SUCLG2: variants seen among roughly 807,000 people sequenced by gnomAD.
The protein encoded by SUCLG2 is succinate-CoA ligase GDP-forming subunit beta, also known as succinate--CoA ligase [GDP-forming] subunit beta, mitochondrial.
In SUCLG2, 42 loss-of-function variants were observed where a neutral mutation model predicts 47.9. The ratio of observed to expected loss-of-function variants is 0.88; its 90% CI spans 0.69 to 1.14. The LOEUF (loss-of-function observed/expected upper bound fraction) is 1.14. Among genes scored for constraint, SUCLG2 ranks in the 50% most tolerant of loss-of-function variants. The probability of loss-of-function intolerance (pLI) is 0.00; values close to 1 mark genes in which losing one functional copy is unlikely to be tolerated. For synonymous variants in SUCLG2, 195 were observed against 197.3 expected (o/e 0.99, Z 0.10); for missense variants, 571 against 525.9 (o/e 1.09, Z -0.84).
chr3:67,580,502 A>G (rs959851458), intron 2 of SUCLG2, among the ~76,000 whole-genome samples: 4 of 152,226 alleles, frequency 2.6e-5, no homozygotes, highest in African/African-American at 9.6e-5. Flanking sequence ...ACATCTTCAA[A>G]GTGGCTACCT....
At chr3:67,621,509 T>C (rs751880324) in intron 1 of SUCLG2, among the ~76,000 whole-genome samples, 2 of 152,216 alleles carry the variant, frequency 1.3e-5, no homozygotes, top group Non-Finnish European at 2.9e-5. Flanking sequence ...AAAAGTCATA[T>C]GGCACTTAAT....
chr3:67,393,238 G>T (rs1702435994), intron 10 of SUCLG2, among the ~76,000 whole-genome samples: 1 of 152,262 alleles, frequency 6.6e-6, no homozygotes, highest in Non-Finnish European at 1.5e-5. Flanking sequence ...CTCGGGAAGT[G>T]CAAGGGGTCA....
chr3:67,421,792 T>C (rs933090499), intron 9 of SUCLG2, among the ~76,000 whole-genome samples: 9 of 152,152 alleles, frequency 5.9e-5, no homozygotes, highest in African/African-American at 1.9e-4. Flanking sequence ...AAGACAAAAA[T>C]TGCAAATTGG....
chr3:67,468,014 T>C (rs1704515790), intron 9 of SUCLG2, among the ~76,000 whole-genome samples: 1 of 152,064 alleles, frequency 6.6e-6, no homozygotes, highest in Non-Finnish European at 1.5e-5. Flanking sequence ...GATGCCCAAA[T>C]GAGTGCTACA....
rs141559351 is a variant in SUCLG2 at position 67,421,476 on chromosome 3, C to T, written c.1063-20625G>A. The stretch of plus-strand genomic sequence containing the variant: ...GCTCTGCCCTGCTTTAGGTACAGGA[C>T]CTTGGACACATCTCTTCATCTCTCA... On this transcript the variant is annotated intron_variant, in intron 9 of 10. Coordinates refer to ENST00000307227, the MANE Select transcript of SUCLG2 (RefSeq NM_003848.4). Among the ~76,000 whole-genome samples the T allele has an allele frequency of 2.0e-4, 30 of 152,246 alleles. No homozygotes were observed. In the East Asian group the frequency reaches 5.2e-3, roughly 26 times the overall value.
At chr3:67,537,772 G>A (rs181328462) in intron 2 of SUCLG2, among the ~76,000 whole-genome samples, 28 of 152,282 alleles carry the variant, frequency 1.8e-4, no homozygotes, top group Admixed American at 3.9e-4. Context: ...TCTAACTGGC[G>A]TGAGATGATA....
chr3:67,616,054 A>G (rs1700622438), intron 1 of SUCLG2, among the ~76,000 whole-genome samples: 1 of 151,846 alleles, frequency 6.6e-6, no homozygotes, highest in Non-Finnish European at 1.5e-5. Flanking sequence ...GTATGCCAAA[A>G]CTTTTAAGAG....
At chr3:67,496,503 T>C (rs1705343910) in intron 8 of SUCLG2, among the ~76,000 whole-genome samples, 1 of 152,204 alleles carries the variant, frequency 6.6e-6, no homozygotes, top group Admixed American at 6.5e-5. Context: ...AGTACAGTCA[T>C]ACATGTTTAC....
At chr3:67,517,212 G>T (rs1203733825) in intron 6 of SUCLG2, among the ~76,000 whole-genome samples, 1 of 152,072 alleles carries the variant, frequency 6.6e-6, no homozygotes, top group African/African-American at 2.4e-5. Flanking sequence ...CTTCATTTAA[G>T]CATATATATT....
intron 9 of SUCLG2, among the ~76,000 whole-genome samples, chr3:67,429,024 T>C (rs1703387271): frequency 6.6e-6 from 1 of 152,144 alleles, no homozygotes; most frequent in African/African-American, 2.4e-5. Flanking sequence ...TGGAAAACAC[T>C]CTTCAGGACA....
At chr3:67,549,015 C>T (rs1706939551) in intron 2 of SUCLG2, among the ~76,000 whole-genome samples, 1 of 152,076 alleles carries the variant, frequency 6.6e-6, no homozygotes, top group African/African-American at 2.4e-5. Context: ...AAGCCATGAA[C>T]ATAGTAACTC....
At chr3:67,374,226 G>A (rs1013880521), downstream of SUCLG2, among the ~76,000 whole-genome samples, 1 of 152,152 alleles carries the variant, frequency 6.6e-6, no homozygotes, top group East Asian at 1.9e-4. Context: ...AAGGATGTAA[G>A]ACTGATCTAT....
chr3:67,603,348 T>C (rs1055234070), intron 2 of SUCLG2, among the ~76,000 whole-genome samples: 1 of 152,220 alleles, frequency 6.6e-6, no homozygotes, highest in Non-Finnish European at 1.5e-5. Context: ...TACATATCAA[T>C]CAGTAGTCAA....
intron 2 of SUCLG2, among the ~76,000 whole-genome samples, chr3:67,583,453 C>A (rs1707932665): frequency 6.6e-6 from 1 of 152,204 alleles, no homozygotes; most frequent in Non-Finnish European, 1.5e-5. Context: ...ACCATAAGAT[C>A]TAGCAATTTC....
At chr3:67,379,352 T>C (rs776133303) in intron 10 of SUCLG2, among the ~76,000 whole-genome samples, 7 of 152,164 alleles carry the variant, frequency 4.6e-5, no homozygotes, top group Non-Finnish European at 7.4e-5. Context: ...GACCTCCAGA[T>C]AGGTGCAGGA....
At chr3:67,466,095 G>A (rs772982302) in intron 9 of SUCLG2, among the ~76,000 whole-genome samples, 3 of 152,116 alleles carry the variant, frequency 2.0e-5, no homozygotes, top group Non-Finnish European at 4.4e-5. Flanking sequence ...GCTCACTCCT[G>A]TAATCTCAGC....
At chr3:67,400,925 T>C (rs1022709616) in intron 9 of SUCLG2, 74 bp from the exon 10 acceptor site, 6 of 1,587,430 alleles carry the variant, frequency 3.8e-6, no homozygotes, top group Admixed American at 3.7e-5. Flanking sequence ...GGTTAAATAA[T>C]AGAGACAATT....
intron 9 of SUCLG2, among the ~76,000 whole-genome samples, chr3:67,463,840 G>C (rs915012031): frequency 6.6e-6 from 1 of 152,226 alleles, no homozygotes; most frequent in Non-Finnish European, 1.5e-5. Flanking sequence ...AAAAGGTCAA[G>C]GAGGAAGCCA....
chr3:67,541,265 A>C (rs1706700265), intron 2 of SUCLG2, among the ~76,000 whole-genome samples: 1 of 152,192 alleles, frequency 6.6e-6, no homozygotes, highest in East Asian at 1.9e-4. Context: ...CCTCTGAACT[A>C]AAGAAGCACG....
Sources: allele counts gnomAD v4.1 joint callset (sites outside exome capture counted in the v4.1 genomes callset), GRCh38; gene constraint gnomAD v4.1.1; transcripts MANE v1.5; gene names NCBI Gene and HGNC (gene_info 2026-07-23, HGNC 2026-07-21).